Variants in CSNK2A2 observed in about 807,000 individuals in gnomAD.
CSNK2A2 encodes the protein casein kinase II subunit alpha'.
A neutral mutation model predicts 54.0 loss-of-function variants in CSNK2A2; 8 were observed. The observed-to-expected ratio is 0.15, with a 90% confidence interval of 0.09 to 0.27. The LOEUF is 0.27. Ranked by LOEUF, CSNK2A2 falls within the 10% of genes least tolerant of loss-of-function variation. The pLI is 1.00. For missense variants in CSNK2A2, 242 were observed against 439.4 expected (o/e 0.55, Z 4.02); for synonymous variants, 141 against 153.9 (o/e 0.92, Z 0.62).
At chr16:58,192,831 C>G (rs544486319) in intron 2 of CSNK2A2, 5 of 152,298 alleles carry the variant, frequency 3.3e-5, no homozygotes, top group East Asian at 3.9e-4. Context: ...GCTTCCACCC[C>G]CTGACTACAT....
At chr16:58,179,233 C>T (rs1475706327) in intron 4 of CSNK2A2, among the ~76,000 whole-genome samples, 1 of 152,154 alleles carries the variant, frequency 6.6e-6, no homozygotes, top group Admixed American at 6.5e-5. Flanking sequence ...AGCATGGTGG[C>T]TCAAGCCTGT....
At chr16:58,174,312 C>T in intron 5 of CSNK2A2, 139 bp downstream of exon 5, 1 of 590,270 alleles carries the variant, frequency 1.7e-6, no homozygotes, top group Non-Finnish European at 2.9e-6. Context: ...TCGATGGAGG[C>T]CTCAATATAA....
At chr16:58,171,979 ATT>A (rs746200172) in intron 5 of CSNK2A2, among the ~76,000 whole-genome samples, 2,666 of 65,866 alleles carry the variant, frequency 0.04, 176 homozygotes, top group African/African-American at 0.16. Context: ...ATATATATAT[ATT>A]TTTTTTTTTT....
intron 5 of CSNK2A2, among the ~76,000 whole-genome samples, chr16:58,169,630 A>G (rs371076892): frequency 1.3e-5 from 2 of 152,188 alleles, no homozygotes; most frequent in African/African-American, 4.8e-5. Context: ...GTGGACATGA[A>G]GAATGACATT....
At position 58,166,677 on chromosome 16, in the gene CSNK2A2, C is replaced by T; in HGVS notation, c.734G>A (p.Arg245His). The change falls in exon 9 of 12, where the codon CGC becomes CAC. Residue 245 changes from arginine to histidine, a missense_variant. Physicochemically the swap from Arg to His is conservative, Grantham distance 29 (BLOSUM62 0). Around this residue, in one of 5 missense-constraint regions of CSNK2A2, gnomAD observed 81 missense variants for 135.0 expected, o/e 0.60. Transcript: ENST00000262506. ...TTCTGTACCCAGAACCTTGGCAATG[C>T]GAACAAGCTGAAACACAAAACAAAC... The part of the protein sequence containing the change: ...HGQDNYDQLV[R>H]IAKVLGTEEL... 2 of 1,612,598 alleles carry T rather than the reference C, an allele frequency of 1.2e-6. No homozygotes were observed. The highest frequency in any genetic ancestry group is 1.7e-6 in the Non-Finnish European group (2 of 1,179,008).
intron 2 of CSNK2A2, among the ~76,000 whole-genome samples, chr16:58,190,236 T>A (rs1006347617): frequency 6.6e-6 from 1 of 152,188 alleles, no homozygotes; most frequent in Non-Finnish European, 1.5e-5. Flanking sequence ...AATTTTTTTT[T>A]AACTTGAAAT....
chr16:58,185,733 G>A (rs747034762), intron 3 of CSNK2A2, among the ~76,000 whole-genome samples: 3 of 152,166 alleles, frequency 2.0e-5, no homozygotes, highest in African/African-American at 4.8e-5. Flanking sequence ...TCCCTTCTCA[G>A]TCTTCTCAGG....
In CSNK2A2 at chr16:58,196,714, C is replaced by A. The variant is rs771506473; in HGVS notation, c.216+19G>T. On this transcript the variant is annotated intron_variant, in intron 2 of 11. Transcript: ENST00000262506. ...CCTGTGGGGAGGAAAATGTTACATA[C>A]CACTCATAGGACACTCACCTTCAGG... 7.2e-6 allele frequency: 11 copies of A among 1,523,128 alleles called. No individual in the cohort carries two copies. The East Asian group carries it at 2.0e-4, about 28-fold the overall frequency. 94.4% of individuals were successfully genotyped at this position (1,523,128 alleles called of 1,614,324 possible).
chr16:58,197,785 G>T lies in CSNK2A2; in HGVS notation c.-49C>A, dbSNP rs1045122658. The T allele has an allele frequency of 3.8e-6, 2 of 530,328 alleles. No individual in the cohort carries two copies. Among genetic ancestry groups the T allele is most frequent in the Non-Finnish European group, 4.8e-6 (2 of 415,038 alleles). The allele number at this position is 530,328 out of a possible 1,614,324, so 32.9% of individuals were successfully genotyped here. ...GCGGGGCGCAGAGGGTGGCGGCGGCGGCGCGGCGGGGGACGCGGGGCGTCG... is the reference window on the plus strand; with the variant it reads ...GCGGGGCGCAGAGGGTGGCGGCGGCTGCGCGGCGGGGGACGCGGGGCGTCG... On this transcript the variant is annotated 5_prime_UTR_variant, in exon 1 of 12. Transcript: ENST00000262506. This position sits in a 1 kb window ranked among gnomAD's most constrained non-coding sequence, Gnocchi z 4.0.
chr16:58,168,628 T>A lies in CSNK2A2; in HGVS notation c.495A>T (p.Ile165=). 6.2e-7 allele frequency: 1 copy of A among 1,613,922 alleles called. No homozygotes were observed. Among genetic ancestry groups the A allele is most frequent in the East Asian group, 2.2e-5 (1 of 44,870 alleles). ...ATGGTACCTTTTTCTGTTGGTGATC[T>A]ATCATGACATTGTGAGGTTTCACAT... ...HRDVKPHNVM[I]DHQQKKLRLI... The change falls in exon 6 of 12, where the codon ATA becomes ATT. Residue 165 remains isoleucine, a synonymous_variant. Transcript: ENST00000262506.
At position 58,197,037 on chromosome 16, in the gene CSNK2A2, A is replaced by C; in HGVS notation, c.105-193T>G. On this transcript the variant is annotated intron_variant, in intron 1 of 11. Coordinates refer to ENST00000262506, the MANE Select transcript of CSNK2A2 (RefSeq NM_001896.4). The surrounding 1 kb of genome is among the most constrained non-coding windows in gnomAD (Gnocchi z 4.0). ...TTCACTCTGCAGAGCTCCTAACCTAATTGGTCTCTCCTAACTTGGGAAGAT... is the reference window on the plus strand; with the variant it reads ...TTCACTCTGCAGAGCTCCTAACCTACTTGGTCTCTCCTAACTTGGGAAGAT... 4.4e-5 allele frequency: 24 copies of C among 548,368 alleles called. No homozygotes were observed. Among genetic ancestry groups the C allele is most frequent in the Middle Eastern group, 7.7e-4 (2 of 2,594 alleles). 34.0% of individuals were successfully genotyped at this position (548,368 alleles called of 1,614,324 possible).
At chr16:58,182,764 ACACATTCCCACT>A (rs1485826754) in intron 4 of CSNK2A2, among the ~76,000 whole-genome samples, 1 of 152,192 alleles carries the variant, frequency 6.6e-6, no homozygotes, top group Non-Finnish European at 1.5e-5. Context: ...AGACATGCAC[ACACATTCCCACT>A]CACATATACC....
At chr16:58,189,944 TA>T (rs1199889074) in intron 2 of CSNK2A2, among the ~76,000 whole-genome samples, 2 of 152,132 alleles carry the variant, frequency 1.3e-5, no homozygotes, top group African/African-American at 4.8e-5. Context: ...GAATCAGAGA[TA>T]AAAAGTTAGG....
intron 2 of CSNK2A2, chr16:58,192,635 C>G (rs1962346648): frequency 6.6e-6 from 1 of 152,178 alleles, no homozygotes; most frequent in South Asian, 2.1e-4. Context: ...CAAACACTTC[C>G]TTTGAGAAAA....
chr16:58,166,982 C>T (rs1328318912), intron 8 of CSNK2A2, among the ~76,000 whole-genome samples: 1 of 152,250 alleles, frequency 6.6e-6, no homozygotes, highest in Non-Finnish European at 1.5e-5. Flanking sequence ...AGGTGCCTGA[C>T]TTCTTCACAG....
At chr16:58,185,209 A>G (rs1413027062) in intron 3 of CSNK2A2, among the ~76,000 whole-genome samples, 1 of 152,198 alleles carries the variant, frequency 6.6e-6, no homozygotes, top group African/African-American at 2.4e-5. Context: ...GTTACCTAGG[A>G]AACAGGCCAC....
At chr16:58,180,171 A>T (rs572476284) in intron 4 of CSNK2A2, among the ~76,000 whole-genome samples, 4 of 152,144 alleles carry the variant, frequency 2.6e-5, no homozygotes, top group African/African-American at 9.6e-5. Flanking sequence ...AGCCCAACAA[A>T]GTTGAAGGAA....
intron 2 of CSNK2A2, among the ~76,000 whole-genome samples, chr16:58,187,963 A>G (rs1962233231): frequency 6.6e-6 from 1 of 152,238 alleles, no homozygotes; most frequent in Admixed American, 6.5e-5. Flanking sequence ...ACACTGTTAT[A>G]ATAGCAGAGG....
chr16:58,171,188 C>T (rs886188780), intron 5 of CSNK2A2, among the ~76,000 whole-genome samples: 7 of 152,196 alleles, frequency 4.6e-5, no homozygotes, highest in African/African-American at 1.7e-4. Flanking sequence ...GAATAAGCTC[C>T]CTCGATCTGT....
Sources: allele counts gnomAD v4.1 joint callset (sites outside exome capture counted in the v4.1 genomes callset), GRCh38; gene constraint gnomAD v4.1.1; regional missense constraint gnomAD v4.1.1; non-coding constraint Gnocchi (gnomAD v3.1); transcripts MANE v1.5; gene names NCBI Gene and HGNC (gene_info 2026-07-23, HGNC 2026-07-21).